The following ENPP2 variants were observed in gnomAD, a reference collection of about 807,000 sequenced individuals.
ENPP2 encodes the protein autotaxin.
Under a neutral mutation model 120.2 loss-of-function variants are expected in ENPP2, and 51 were observed. The observed-to-expected ratio is 0.42, with a 90% CI of 0.34 to 0.54. The LOEUF is 0.54. Ranked by LOEUF, ENPP2 falls within the 20% of genes least tolerant of loss-of-function variation. The pLI is 0.04. For synonymous variants in ENPP2, 365 were observed against 366.4 expected (o/e 1.00, Z 0.04); for missense variants, 920 against 1,066.5 (o/e 0.86, Z 1.91).
At chr8:119,645,152 C>T (rs7821416) in intron 1 of ENPP2, among the ~76,000 whole-genome samples, 22,281 of 152,110 alleles carry the variant, frequency 0.15, 2,049 homozygotes, top group African/African-American at 0.26. Context: ...ATCTCCAGAA[C>T]GGTCAGATAA....
rs140075111 is a variant in ENPP2, at chr8:119,581,440, C to T, written c.1728+978G>A. ...TTGCCCTGTGGCTCCCTGTTGGGCT[C>T]TACCAAGGGGAAACATGTGAAAGGA... On this transcript the variant is annotated intron_variant, in intron 18 of 24. Transcript: ENST00000075322. Among the ~76,000 whole-genome samples, 4 of 152,104 alleles carry T rather than the reference C, an allele frequency of 2.6e-5. No homozygotes were observed. In the East Asian group the frequency reaches 7.8e-4, roughly 30 times the overall value.
intron 11 of ENPP2, among the ~76,000 whole-genome samples, chr8:119,595,294 C>T (rs535891021): frequency 6.6e-6 from 1 of 152,332 alleles, no homozygotes; most frequent in East Asian, 1.9e-4. Flanking sequence ...AACCGATAGG[C>T]TCTTCTGAAC....
chr8:119,642,075 G>A (rs1817301087), upstream of ENPP2, among the ~76,000 whole-genome samples: 1 of 152,262 alleles, frequency 6.6e-6, no homozygotes, highest in East Asian at 1.9e-4. Flanking sequence ...TCCACTTGAT[G>A]CCTTGATCTA....
At chr8:119,643,100 G>A (rs371884289), upstream of ENPP2, among the ~76,000 whole-genome samples, 8 of 152,190 alleles carry the variant, frequency 5.3e-5, no homozygotes, top group African/African-American at 1.2e-4. Flanking sequence ...TAACTATAGC[G>A]CATACACTAC....
intron 19 of ENPP2, among the ~76,000 whole-genome samples, chr8:119,573,663 T>C (rs1052466675): frequency 1.3e-5 from 2 of 151,772 alleles, no homozygotes; most frequent in African/African-American, 4.8e-5. Context: ...AATACAAAAA[T>C]TAGCCAGGCA....
In ENPP2 at chr8:119,600,718, G is replaced by A. The variant is rs1814236987; in HGVS notation, c.932C>T (p.Pro311Leu). The A allele has an allele frequency of 1.9e-6, 3 of 1,613,056 alleles. No individual in the cohort carries two copies. The highest frequency in any genetic ancestry group is 2.5e-6 in the Non-Finnish European group (3 of 1,179,110). The stretch of plus-strand genomic sequence containing the variant: ...GCCATATTTGTGTCCAGAGAAATCA[G>A]GTTGCTCAGAATAGAAGGCATAGAC... ...PSVYAFYSEQ[P>L]DFSGHKYGPF... The change falls in exon 11 of 25, where the codon CCT (proline) becomes CTT (leucine). Residue 311 changes from proline to leucine, a missense_variant. By Grantham distance (98) the Pro-to-Leu change is moderately conservative. Coordinates refer to ENST00000075322, the MANE Select transcript of ENPP2 (RefSeq NM_001040092.3).
intron 22 of ENPP2, among the ~76,000 whole-genome samples, chr8:119,566,986 G>A (rs190168427): frequency 5.9e-5 from 9 of 152,074 alleles, no homozygotes; most frequent in Admixed American, 2.0e-4. Context: ...TCTCTAAACC[G>A]TGTGGCCCTT....
chr8:119,668,885 G>A (rs1587598629), intron 1 of ENPP2, among the ~76,000 whole-genome samples: 2 of 151,794 alleles, frequency 1.3e-5, no homozygotes, highest in Non-Finnish European at 1.5e-5. Flanking sequence ...TTCTCAATCC[G>A]CTTTCCCTCT....
At chr8:119,612,167 A>T (rs1472476050) in intron 8 of ENPP2, among the ~76,000 whole-genome samples, 1 of 152,204 alleles carries the variant, frequency 6.6e-6, no homozygotes, top group Non-Finnish European at 1.5e-5. Flanking sequence ...CTTCAGCTGA[A>T]ATTTGGAAGA....
intron 3 of ENPP2, among the ~76,000 whole-genome samples, chr8:119,623,088 A>T (rs1425745279): frequency 6.6e-6 from 1 of 152,190 alleles, no homozygotes; most frequent in Non-Finnish European, 1.5e-5. Flanking sequence ...TGATAAGTGG[A>T]AAGAAATGAT....
intron 7 of ENPP2, 128 bp from the exon 8 acceptor site, chr8:119,616,512 T>G (rs575791442): frequency 5.5e-6 from 3 of 542,884 alleles, no homozygotes; most frequent in South Asian, 6.3e-5. Flanking sequence ...ATATAAGACA[T>G]GTATAACCTT....
chr8:119,603,835 G>A (rs541330285), intron 9 of ENPP2, among the ~76,000 whole-genome samples: 10 of 152,016 alleles, frequency 6.6e-5, no homozygotes, highest in East Asian at 1.9e-4. Flanking sequence ...TGGAGGGGTC[G>A]TCATTTTCTT....
chr8:119,658,248 G>T, intron 1 of ENPP2, among the ~76,000 whole-genome samples: 1 of 152,278 alleles, frequency 6.6e-6, no homozygotes, highest in Middle Eastern at 3.4e-3. Flanking sequence ...TATTGCCTGT[G>T]TAATGGTAGG....
intron 2 of ENPP2, among the ~76,000 whole-genome samples, chr8:119,628,821 C>T (rs1816457228): frequency 6.6e-6 from 1 of 152,144 alleles, no homozygotes; most frequent in Admixed American, 6.6e-5. Context: ...TCCAAGTTTG[C>T]ATCACGTTTT....
chr8:119,600,893 CTTT>C, intron 10 of ENPP2, 143 bp from the exon 11 acceptor site: 3 of 474,478 alleles, frequency 6.3e-6, no homozygotes, highest in Admixed American at 3.8e-5. Flanking sequence ...GCATGAAAAA[CTTT>C]TTTTTTTTTC....
intron 1 of ENPP2, among the ~76,000 whole-genome samples, chr8:119,654,698 G>C (rs1587579013): frequency 6.6e-6 from 1 of 151,824 alleles, no homozygotes; most frequent in African/African-American, 2.4e-5. Flanking sequence ...AGCATATTTT[G>C]TCTCATGAAA....
upstream of ENPP2, among the ~76,000 whole-genome samples, chr8:119,640,333 C>T (rs948877044): frequency 3.7e-4 from 56 of 152,258 alleles, no homozygotes; most frequent in African/African-American, 1.3e-3. Context: ...AAGATGTTAA[C>T]TCCATGAAAG....
rs115426446 is a variant in ENPP2 at position 119,648,821 on chromosome 8, A to T, written c.22-10294T>A. 9.5e-3 allele frequency among the ~76,000 whole-genome samples: 1,448 copies of T among 152,308 alleles called. 24 individuals carry two copies. The highest frequency in any genetic ancestry group is 0.033 in the African/African-American group (1,373 of 41,562). Reference sequence around the variant, plus strand: ...AATGCTTTCCCCTAAGATCAGGAGCAAGACAAAAATGTCTGTTTTTACCAC... The same window carrying T: ...AATGCTTTCCCCTAAGATCAGGAGCTAGACAAAAATGTCTGTTTTTACCAC... On this transcript the variant is annotated intron_variant, in intron 1 of 25. Transcript: ENST00000427067.
intron 3 of ENPP2, among the ~76,000 whole-genome samples, chr8:119,623,599 T>G (rs1298038132): frequency 1.3e-5 from 2 of 152,178 alleles, no homozygotes; most frequent in Non-Finnish European, 2.9e-5. Flanking sequence ...CTTTGCATCC[T>G]GATTCTGCTG....
Sources: gnomAD v4.1 joint callset for allele counts (sites outside exome capture counted in the v4.1 genomes callset) on GRCh38, gnomAD v4.1.1 for gene constraint, MANE v1.5 for transcripts, NCBI Gene and HGNC (gene_info 2026-07-23, HGNC 2026-07-21) for gene names.